GRIA1: variants seen among roughly 807,000 people sequenced by gnomAD.
GRIA1 encodes the protein glutamate ionotropic receptor AMPA type subunit 1.
A neutral mutation model predicts 99.2 loss-of-function variants in GRIA1; 31 were observed. The observed-to-expected ratio is 0.31, with a 90% confidence interval of 0.23 to 0.42. The LOEUF (loss-of-function observed/expected upper bound fraction) is 0.42. Ranked by LOEUF, GRIA1 falls within the 10% of genes least tolerant of loss-of-function variation. The pLI is 1.00. For synonymous variants in GRIA1, 438 were observed against 432.4 expected, an observed-to-expected ratio of 1.01 and a Z score of -0.16; for missense variants, 782 against 1,157.5, an observed-to-expected ratio of 0.68 and a Z score of 4.71.
intron 2 of GRIA1, among the ~76,000 whole-genome samples, chr5:153,558,848 A>G (rs1402367609): frequency 2.0e-5 from 3 of 152,168 alleles, no homozygotes; most frequent in African/African-American, 2.4e-5. Context: ...TCGGATTCCC[A>G]AAACGGTCCA....
chr5:153,591,478 A>G (rs1763970040), intron 2 of GRIA1, among the ~76,000 whole-genome samples: 1 of 152,230 alleles, frequency 6.6e-6, no homozygotes, highest in Non-Finnish European at 1.5e-5. Flanking sequence ...TTCATAATAC[A>G]TAAAATTCCC....
intron 5 of GRIA1, among the ~76,000 whole-genome samples, chr5:153,663,563 T>C (rs912949210): frequency 3.3e-5 from 5 of 152,184 alleles, no homozygotes; most frequent in Admixed American, 2.0e-4. Context: ...AAGATAAAGA[T>C]AAAATGAGTT....
intron 6 of GRIA1, 23 bp downstream of exon 6, chr5:153,674,684 G>C (rs1257858171): frequency 1.2e-6 from 2 of 1,612,292 alleles, no homozygotes; most frequent in Non-Finnish European, 1.7e-6. Flanking sequence ...GCAGCCAGCA[G>C]CAAAGGGCCA....
chr5:153,796,079 A>G (rs1310390795), intron 14 of GRIA1, among the ~76,000 whole-genome samples: 1 of 148,490 alleles, frequency 6.7e-6, no homozygotes, highest in East Asian at 2.0e-4. Flanking sequence ...CTTTATTTTA[A>G]GGATACCCTT....
At chr5:153,782,169 C>G (rs997084052) in intron 13 of GRIA1, among the ~76,000 whole-genome samples, 3 of 152,184 alleles carry the variant, frequency 2.0e-5, no homozygotes, top group Admixed American at 2.0e-4. Context: ...CACAAGAACC[C>G]AATGAAGTAG....
chr5:153,592,601 C>G (rs1764068370), intron 2 of GRIA1, among the ~76,000 whole-genome samples: 1 of 152,216 alleles, frequency 6.6e-6, no homozygotes, highest in African/African-American at 2.4e-5. Context: ...ATTCAACATT[C>G]TCTTCCCTCC....
At chr5:153,807,652 A>G (rs1013247044) in intron 15 of GRIA1, among the ~76,000 whole-genome samples, 6 of 152,158 alleles carry the variant, frequency 3.9e-5, no homozygotes, top group Middle Eastern at 3.2e-3. Context: ...TCAGAGAGGG[A>G]CTTCAGGCAG....
intron 10 of GRIA1, among the ~76,000 whole-genome samples, chr5:153,699,986 G>T (rs766449428): frequency 1.3e-5 from 2 of 152,180 alleles, no homozygotes; most frequent in African/African-American, 2.4e-5. Context: ...AATAGTAAAA[G>T]GTAGTATAGA....
At chr5:153,690,850 AT>A (rs1157043229) in intron 8 of GRIA1, among the ~76,000 whole-genome samples, 1 of 152,220 alleles carries the variant, frequency 6.6e-6, no homozygotes, top group Non-Finnish European at 1.5e-5. Flanking sequence ...CAGAAAATCA[AT>A]TCCTCACATC....
At chr5:153,492,482 G>T (rs571673964) in intron 1 of GRIA1, among the ~76,000 whole-genome samples, 1 of 152,052 alleles carries the variant, frequency 6.6e-6, no homozygotes, top group Non-Finnish European at 1.5e-5. Context: ...GTGGTCATCT[G>T]GGGGGAAGGG....
At chr5:153,547,644 G>C (rs1759727482) in intron 2 of GRIA1, among the ~76,000 whole-genome samples, 1 of 152,116 alleles carries the variant, frequency 6.6e-6, no homozygotes, top group South Asian at 2.1e-4. Context: ...TCAGTACTTT[G>C]GTTGAAACTT....
intron 11 of GRIA1, among the ~76,000 whole-genome samples, chr5:153,738,635 C>T (rs1410920409): frequency 6.6e-6 from 1 of 151,976 alleles, no homozygotes; most frequent in Non-Finnish European, 1.5e-5. Flanking sequence ...GTTCATTTTT[C>T]CTCCACCCTT....
chr5:153,600,391 CAAA>C (rs57395601), intron 2 of GRIA1, among the ~76,000 whole-genome samples: 6 of 51,500 alleles, frequency 1.2e-4, no homozygotes, highest in East Asian at 8.2e-4. Context: ...GACTCCATCT[CAAA>C]AAAAAAAAAA....
At chr5:153,728,882 G>A (rs1396060848) in intron 11 of GRIA1, among the ~76,000 whole-genome samples, 1 of 111,194 alleles carries the variant, frequency 9.0e-6, no homozygotes, top group African/African-American at 3.7e-5. Context: ...TCCCATTACT[G>A]GGTATATACC....
intron 2 of GRIA1, among the ~76,000 whole-genome samples, chr5:153,498,062 T>C (rs1365365736): frequency 6.6e-6 from 1 of 152,108 alleles, no homozygotes; most frequent in Non-Finnish European, 1.5e-5. Context: ...AGAGACTGAG[T>C]TCTGGGCCCA....
chr5:153,626,750 A>T (rs1325402005), intron 2 of GRIA1, among the ~76,000 whole-genome samples: 1 of 152,144 alleles, frequency 6.6e-6, no homozygotes. Context: ...GGTACTGGAC[A>T]AAGCAGGATC....
At chr5:153,762,883 T>C (rs2149606078) in intron 11 of GRIA1, among the ~76,000 whole-genome samples, 1 of 152,302 alleles carries the variant, frequency 6.6e-6, no homozygotes, top group Middle Eastern at 3.4e-3. Flanking sequence ...CTGAAACTTC[T>C]ACAAAGTTCT....
rs1422878842 is a variant in GRIA1 at position 153,647,182 on chromosome 5, A to T, written c.460+15A>T. The T allele has an allele frequency of 1.9e-6, 3 of 1,610,558 alleles. No homozygotes were observed. Among genetic ancestry groups the T allele is most frequent in the African/African-American group, 2.7e-5 (2 of 74,802 alleles). On this transcript the variant is annotated intron_variant, in intron 3 of 15. Transcript: ENST00000285900. ...TGCCGACCGGGGTAAGCCAAGGGTTAGGGGAGGGAGACTTTTGAGGGATGG... is the reference window on the plus strand; with the variant it reads ...TGCCGACCGGGGTAAGCCAAGGGTTTGGGGAGGGAGACTTTTGAGGGATGG...
chr5:153,581,616 C>T (rs1006813841), intron 2 of GRIA1, among the ~76,000 whole-genome samples: 10 of 152,134 alleles, frequency 6.6e-5, no homozygotes, highest in African/African-American at 2.2e-4. Flanking sequence ...GTCAGTACTT[C>T]GCTGACCTTC....
Sources: allele counts gnomAD v4.1 joint callset (sites outside exome capture counted in the v4.1 genomes callset), GRCh38; gene constraint gnomAD v4.1.1; transcripts MANE v1.5; gene names NCBI Gene and HGNC (gene_info 2026-07-23, HGNC 2026-07-21).